The following ST3GAL3 variants were observed in gnomAD, a reference collection of about 807,000 sequenced individuals.
ST3GAL3 encodes ST3 beta-galactoside alpha-2,3-sialyltransferase 3, also known as CMP-N-acetylneuraminate-beta-1,4-galactoside alpha-2,3-sialyltransferase.
Under a neutral mutation model 50.1 loss-of-function variants are expected in ST3GAL3, and 21 were observed. The ratio of observed to expected loss-of-function variants is 0.42; its 90% confidence interval spans 0.30 to 0.60. The LOEUF (loss-of-function observed/expected upper bound fraction) is 0.60. Ranked by LOEUF, ST3GAL3 falls within the 20% of genes least tolerant of loss-of-function variation. The pLI is 0.19. For synonymous variants in ST3GAL3, 183 were observed against 190.0 expected, an observed-to-expected ratio of 0.96 and a Z score of 0.30; for missense variants, 353 against 489.4, an observed-to-expected ratio of 0.72 and a Z score of 2.63.
intron 5 of ST3GAL3, among the ~76,000 whole-genome samples, chr1:43,883,397 T>C (rs1348570861): frequency 2.0e-5 from 3 of 152,158 alleles, no homozygotes; most frequent in South Asian, 4.1e-4. Flanking sequence ...GGGATGCTAT[T>C]GTAGAAGACA....
At chr1:43,901,917 G>A (rs1038235839) in intron 9 of ST3GAL3, among the ~76,000 whole-genome samples, 2 of 152,232 alleles carry the variant, frequency 1.3e-5, no homozygotes. Context: ...AGCTGCCAGA[G>A]GAATGCCGGG....
chr1:43,782,025 C>T (rs1255676840), intron 2 of ST3GAL3, among the ~76,000 whole-genome samples: 1 of 152,210 alleles, frequency 6.6e-6, no homozygotes, highest in Non-Finnish European at 1.5e-5. Flanking sequence ...TGCTCTATGA[C>T]ATTTGATAAC....
At chr1:43,849,768 C>T (rs549136594) in intron 5 of ST3GAL3, among the ~76,000 whole-genome samples, 3 of 152,314 alleles carry the variant, frequency 2.0e-5, no homozygotes, top group African/African-American at 7.2e-5. Context: ...CTGAGTGCAC[C>T]TTGTGTACAC....
At chr1:43,912,869 AAGG>A (rs2081172091) in intron 9 of ST3GAL3, 1 of 152,228 alleles carries the variant, frequency 6.6e-6, no homozygotes, top group Non-Finnish European at 1.5e-5. Flanking sequence ...GACATTCCTG[AAGG>A]AGGAGGGATT....
chr1:43,841,265 C>T (rs535932231), intron 5 of ST3GAL3: 1 of 152,406 alleles, frequency 6.6e-6, no homozygotes, highest in East Asian at 1.9e-4. Flanking sequence ...GGCAGTGTCC[C>T]AGTGGGGACC....
chr1:43,786,749 C>T (rs1436383705), intron 2 of ST3GAL3, among the ~76,000 whole-genome samples: 2 of 152,272 alleles, frequency 1.3e-5, no homozygotes, highest in African/African-American at 2.4e-5. Context: ...CCTAGTGTGT[C>T]GTAGTTTCTC....
chr1:43,837,308 G>A (rs2064513868), intron 4 of ST3GAL3, among the ~76,000 whole-genome samples: 1 of 151,544 alleles, frequency 6.6e-6, no homozygotes, highest in African/African-American at 2.4e-5. Context: ...ACCAATAGTT[G>A]TTAGCCAGAT....
intron 5 of ST3GAL3, among the ~76,000 whole-genome samples, chr1:43,857,331 T>C (rs181868361): frequency 3.4e-3 from 520 of 152,308 alleles, no homozygotes; most frequent in Non-Finnish European, 6.0e-3. Context: ...AGAGTAAGTT[T>C]ATGTTGCTGA....
chr1:43,869,099 C>G (rs1158052593), intron 5 of ST3GAL3, among the ~76,000 whole-genome samples: 3 of 152,134 alleles, frequency 2.0e-5, no homozygotes, highest in Non-Finnish European at 2.9e-5. Context: ...CTTGGTGGTT[C>G]TAGAACCCTG....
intron 9 of ST3GAL3, among the ~76,000 whole-genome samples, chr1:43,917,617 T>A (rs12410272): frequency 0.18 from 9,664 of 54,480 alleles, 803 homozygotes; most frequent in South Asian, 0.32. Context: ...ATATTATATA[T>A]TATATTATAT....
chr1:43,734,211 G>C (rs1188373520), intron 1 of ST3GAL3, among the ~76,000 whole-genome samples: 1 of 150,020 alleles, frequency 6.7e-6, no homozygotes, highest in East Asian at 2.0e-4. Flanking sequence ...TTTATTTTTA[G>C]TTATTTTATA....
chr1:43,744,806 C>T (rs536938074), intron 2 of ST3GAL3, among the ~76,000 whole-genome samples: 2 of 150,658 alleles, frequency 1.3e-5, no homozygotes, highest in African/African-American at 4.9e-5. Flanking sequence ...AGTTTGAGAC[C>T]GTGAAACCCC....
chr1:43,880,700 C>T (rs1188840487), intron 5 of ST3GAL3, among the ~76,000 whole-genome samples: 1 of 152,188 alleles, frequency 6.6e-6, no homozygotes, highest in Non-Finnish European at 1.5e-5. Flanking sequence ...CCCTCCTCAA[C>T]CCCTGCAGTT....
chr1:43,713,004 T>C (rs1472293984), intron 1 of ST3GAL3, among the ~76,000 whole-genome samples: 2 of 152,246 alleles, frequency 1.3e-5, no homozygotes, highest in Non-Finnish European at 2.9e-5. Context: ...AACATCACTG[T>C]GTGGAAGAGG....
At chr1:43,744,060 A>C (rs1248490724) in intron 2 of ST3GAL3, among the ~76,000 whole-genome samples, 1 of 152,168 alleles carries the variant, frequency 6.6e-6, no homozygotes, top group African/African-American at 2.4e-5. Context: ...TCACTATTTC[A>C]ACAAAAAAGC....
chr1:43,892,601 T>A (rs1025016249), intron 5 of ST3GAL3, among the ~76,000 whole-genome samples: 3 of 152,140 alleles, frequency 2.0e-5, no homozygotes, highest in Non-Finnish European at 2.9e-5. Context: ...GAGGTGTTTT[T>A]AAAAGTAAAA....
chr1:43,836,357 C>G (rs2064326809), intron 4 of ST3GAL3, among the ~76,000 whole-genome samples: 1 of 152,294 alleles, frequency 6.6e-6, no homozygotes, highest in East Asian at 1.9e-4. Context: ...GCATTTCAGG[C>G]TTTGAATTTC....
chr1:43,743,198 A>G (rs1681812382), intron 2 of ST3GAL3, among the ~76,000 whole-genome samples: 1 of 137,296 alleles, frequency 7.3e-6, no homozygotes, highest in East Asian at 2.1e-4. Context: ...ATAATGGCTG[A>G]AAACTTCCTA....
chr1:43,752,104 A>C (rs913357910), intron 2 of ST3GAL3, among the ~76,000 whole-genome samples: 1 of 152,202 alleles, frequency 6.6e-6, no homozygotes, highest in Non-Finnish European at 1.5e-5. Flanking sequence ...GGTGTGAGCC[A>C]CTGCGCCCGG....
Sources: allele counts gnomAD v4.1 joint callset (sites outside exome capture counted in the v4.1 genomes callset), GRCh38; gene constraint gnomAD v4.1.1; transcripts MANE v1.5; gene names NCBI Gene and HGNC (gene_info 2026-07-23, HGNC 2026-07-21).